UMODL1: variants seen among roughly 807,000 people sequenced by gnomAD.
UMODL1 encodes the protein uromodulin like 1.
UMODL1 carries 128 observed loss-of-function variants against 136.3 expected under a neutral mutation model. The observed-to-expected ratio is 0.94, with a 90% confidence interval of 0.81 to 1.09. The LOEUF (loss-of-function observed/expected upper bound fraction) is 1.09. Among genes scored for constraint, UMODL1 ranks in the 50% least tolerant of loss-of-function variants. UMODL1 has a pLI of 0.00. For synonymous variants in UMODL1, 721 were observed against 720.0 expected (o/e 1.00, Z -0.02); for missense variants, 1,766 against 1,725.6 (o/e 1.02, Z -0.41).
chr21:42,094,779 A>G (rs1484474845), intron 6 of UMODL1, among the ~76,000 whole-genome samples: 1 of 152,176 alleles, frequency 6.6e-6, no homozygotes, highest in Non-Finnish European at 1.5e-5. Flanking sequence ...TTTACAACAC[A>G]AAGAAAACTC....
Position 42,127,087 on chromosome 21 carries a change from A to G in UMODL1, c.3375A>G (p.Ile1125Met), listed in dbSNP as rs774532646. Residue 1125 changes from isoleucine (I) to methionine (M), a missense_variant, in exon 19 of 23, where the codon ATA becomes ATG. Coordinates refer to ENST00000408910, the MANE Select transcript of UMODL1 (RefSeq NM_001004416.3). ...EMQLFIGDSP[I>M]PQNYSVSASD... ...AGTTGTTTATCGGAGACTCTCCCATACCTCAGAATTATAGCGTGTCTGCCA... is the reference window on the plus strand; with the variant it reads ...AGTTGTTTATCGGAGACTCTCCCATGCCTCAGAATTATAGCGTGTCTGCCA... 4 of 1,614,150 alleles carry G rather than the reference A, an allele frequency of 2.5e-6. No homozygotes were observed. The highest frequency in any genetic ancestry group is 3.4e-6 in the Non-Finnish European group (4 of 1,180,030).
rs774003718 is a variant in UMODL1, at chr21:42,076,230, GC to G, written c.304del (p.Leu102SerfsTer7). 3.1e-6 allele frequency: 5 copies of G among 1,614,258 alleles called. No homozygotes were observed. In the South Asian group the frequency reaches 5.5e-5, roughly 18 times the overall value. ...TDCCEGYEQL[G>X]LYCVLPLNQS... ...TGCTGTGAGGGCTATGAACAGCTCG[GC>G]CTCTACTGTGTCTTGCGTGAGTCCA... On this transcript the variant is annotated frameshift_variant, in exon 2 of 23. Coordinates refer to ENST00000408910, the MANE Select transcript of UMODL1 (RefSeq NM_001004416.3). LOFTEE classifies it high-confidence loss of function.
chr21:42,080,435 C>T (rs1463463926), intron 2 of UMODL1, among the ~76,000 whole-genome samples: 1 of 152,150 alleles, frequency 6.6e-6, no homozygotes, highest in Non-Finnish European at 1.5e-5. Flanking sequence ...GGAGTCCTAT[C>T]CCCCAGACAG....
In UMODL1 at chr21:42,142,406, G is replaced by A. The variant is rs544093043; in HGVS notation, c.*332G>A. ...GTGCTGCGGCTACACCACCACCCGCGCGGCCCCCGCAGCCTAGACCTCCCA... is the reference window on the plus strand; with the variant it reads ...GTGCTGCGGCTACACCACCACCCGCACGGCCCCCGCAGCCTAGACCTCCCA... On this transcript the variant is annotated 3_prime_UTR_variant, in exon 23 of 23. Transcript: ENST00000408910. 3.3e-3 allele frequency: 504 copies of A among 152,378 alleles called. 8 individuals are homozygous for A. Among genetic ancestry groups the A allele is most frequent in the African/African-American group, 0.012 (479 of 41,568 alleles). 9.4% of individuals were successfully genotyped at this position (152,378 alleles called of 1,614,324 possible).
intron 20 of UMODL1, among the ~76,000 whole-genome samples, chr21:42,128,878 G>A (rs1439165559): frequency 6.6e-6 from 1 of 152,182 alleles, no homozygotes; most frequent in African/African-American, 2.4e-5. Flanking sequence ...CTGTAGGAAC[G>A]TACCACAAAC....
chr21:42,139,884 G>T (rs888169902), intron 22 of UMODL1, among the ~76,000 whole-genome samples: 1 of 152,160 alleles, frequency 6.6e-6, no homozygotes, highest in African/African-American at 2.4e-5. Context: ...GAAAGACAAA[G>T]CTAACACAAG....
At position 42,119,049 on chromosome 21, in the gene UMODL1, T is replaced by A. The variant is rs1272097701; in HGVS notation, c.2476-62T>A. The A allele has an allele frequency of 3.2e-6, 5 of 1,550,700 alleles. No homozygotes were observed. In the South Asian group the frequency reaches 3.5e-5, roughly 11 times the overall value. ...GGCAGACTGGCAGGAGGAACCGCCT[T>A]GAGACGGGCATCTGTTTCCTCTCAG... On this transcript the variant is annotated intron_variant, in intron 14 of 22. Transcript: ENST00000408910.
chr21:42,098,625 G>A lies in UMODL1; in HGVS notation c.932-301G>A, dbSNP rs140099742. 4.6e-3 allele frequency among the ~76,000 whole-genome samples: 696 copies of A among 152,062 alleles called. 4 individuals carry two copies. Among genetic ancestry groups the A allele is most frequent in the East Asian group, 0.016 (84 of 5,160 alleles). ...CTACTAAAAATGCAAAAAATTAGCC[G>A]GGCGTGGTGGCGAGTGCCTGTAATC... is the stretch of plus-strand genomic sequence containing the variant. On this transcript the variant is annotated intron_variant, in intron 6 of 22. Transcript: ENST00000408910.
At chr21:42,115,308 T>A (rs2066888761) in intron 13 of UMODL1, among the ~76,000 whole-genome samples, 1 of 152,166 alleles carries the variant, frequency 6.6e-6, no homozygotes, top group Non-Finnish European at 1.5e-5. Flanking sequence ...AGGGAAAAGA[T>A]TCAGATGGAA....
At position 42,098,936 on chromosome 21, in the gene UMODL1, AG is replaced by A. The variant is rs1305413884; in HGVS notation, c.943del (p.Val315SerfsTer20). On this transcript the variant is annotated frameshift_variant, in exon 7 of 23. Transcript: ENST00000408910. LOFTEE classifies it high-confidence loss of function. ...LNLEWEDCPP[V>X]SDYVVLNVTS... The stretch of plus-strand genomic sequence containing the variant: ...TCTGTGCTTTCGTAGATTGTCCTCC[AG>A]TCAGTGACTACGTGGTCCTCAACGT... 1 of 1,614,222 alleles carries A rather than the reference AG, an allele frequency of 6.2e-7. No individual in the cohort carries two copies. The highest frequency in any genetic ancestry group is 1.3e-5 in the African/African-American group (1 of 75,066).
chr21:42,098,524 T>G (rs2066585290), intron 6 of UMODL1, among the ~76,000 whole-genome samples: 1 of 151,436 alleles, frequency 6.6e-6, no homozygotes, highest in Non-Finnish European at 1.5e-5. Context: ...ATCCCAGCAC[T>G]TTGGGAGGCT....
At chr21:42,095,105 T>TTTTTTTTTTTTTTG in intron 6 of UMODL1, among the ~76,000 whole-genome samples, 1 of 132,936 alleles carries the variant, frequency 7.5e-6, no homozygotes, top group Non-Finnish European at 1.6e-5. Flanking sequence ...TTTTTTTTTT[T>TTTTTTTTTTTTTTG]TTTTTTTGAG....
At chr21:42,092,937 C>T (rs749213134) in intron 6 of UMODL1, among the ~76,000 whole-genome samples, 13 of 152,150 alleles carry the variant, frequency 8.5e-5, no homozygotes, top group Non-Finnish European at 1.5e-4. Context: ...CCTCTGAAGA[C>T]GCACATGAAC....
upstream of UMODL1, among the ~76,000 whole-genome samples, chr21:42,068,958 T>C (rs1459064153): frequency 6.6e-6 from 1 of 152,190 alleles, no homozygotes; most frequent in Middle Eastern, 3.2e-3. The surrounding 1 kb of genome is among the most constrained non-coding windows in gnomAD (Gnocchi z 5.5). Flanking sequence ...CCTTGGATGC[T>C]GTGTGGGGGA....
At chr21:42,075,151 G>T (rs992963689) in intron 1 of UMODL1, among the ~76,000 whole-genome samples, 1 of 152,068 alleles carries the variant, frequency 6.6e-6, no homozygotes. Flanking sequence ...GCCCACCTTG[G>T]CCTCCCAAAG....
chr21:42,137,671 G>T (rs374392708), intron 22 of UMODL1, 30 bp downstream of exon 22: 4 of 1,029,588 alleles, frequency 3.9e-6, no homozygotes, highest in African/African-American at 3.0e-5. Context: ...GGAGGTGCAG[G>T]CTGACAGGAA....
chr21:42,113,486 T>G, intron 12 of UMODL1, 87 bp from the exon 13 acceptor site: 1 of 1,496,882 alleles, frequency 6.7e-7, no homozygotes, highest in Non-Finnish European at 9.0e-7. Flanking sequence ...CCCATGGTGA[T>G]GAATTTGATT....
intron 20 of UMODL1, among the ~76,000 whole-genome samples, chr21:42,128,732 C>T (rs545794599): frequency 1.4e-4 from 21 of 152,328 alleles, no homozygotes; most frequent in East Asian, 3.9e-4. Context: ...GGACAGCCAC[C>T]GCCAGGCTTC....
upstream of UMODL1, among the ~76,000 whole-genome samples, chr21:42,068,905 A>G (rs2066205406): frequency 6.6e-6 from 1 of 152,192 alleles, no homozygotes; most frequent in South Asian, 2.1e-4. This position sits in a 1 kb window ranked among gnomAD's most constrained non-coding sequence, Gnocchi z 5.5. Flanking sequence ...GTGTGCCCTG[A>G]AAGCCAGCAT....
Sources: gnomAD v4.1 joint callset for allele counts (sites outside exome capture counted in the v4.1 genomes callset) on GRCh38, gnomAD v4.1.1 for gene constraint, Gnocchi (gnomAD v3.1) non-coding constraint, MANE v1.5 for transcripts, NCBI Gene and HGNC (gene_info 2026-07-23, HGNC 2026-07-21) for gene names.